The following GPC5 variants were observed in gnomAD, a reference collection of about 807,000 sequenced individuals.
GPC5 encodes glypican-5.
GPC5 carries 47 observed loss-of-function variants against 53.9 expected under a neutral mutation model. That is an observed-to-expected ratio of 0.87 (90% CI 0.69 to 1.11). The LOEUF (loss-of-function observed/expected upper bound fraction) is 1.11. Among genes scored for constraint, GPC5 ranks in the 50% most tolerant of loss-of-function variants. The probability of loss-of-function intolerance (pLI) is 0.00; values close to 1 mark genes in which losing one functional copy is unlikely to be tolerated. For missense variants in GPC5, 748 were observed against 713.1 expected, an observed-to-expected ratio of 1.05 and a Z score of -0.56; for synonymous variants, 286 against 263.3, an observed-to-expected ratio of 1.09 and a Z score of -0.84.
At chr13:92,477,819 A>C (rs556858083) in intron 7 of GPC5, among the ~76,000 whole-genome samples, 17 of 152,248 alleles carry the variant, frequency 1.1e-4, no homozygotes, top group African/African-American at 4.1e-4. Flanking sequence ...TATTGGGGAA[A>C]ATAAAACCAG....
Position 92,513,550 on chromosome 13 carries a change from CCTTT to C in GPC5, c.1562-352730_1562-352727del, listed in dbSNP as rs1880656387. 1.5e-3 allele frequency among the ~76,000 whole-genome samples: 41 copies of C among 26,796 alleles called. No individual in the cohort carries two copies. In the Admixed American group the frequency reaches 0.023, roughly 15 times the overall value. 17.6% of individuals were successfully genotyped at this position (26,796 alleles called of 152,430 possible). A position where few individuals can be genotyped will look rare whatever the true frequency, so the allele number is the denominator to read the frequency against. ...TCTTTCCCTCCCTTTCTCTCCCTTT[CCTTT>C]CCTTTCCTTTCCTTTTTCCTTTTTT... On this transcript the variant is annotated intron_variant, in intron 7 of 7. Transcript: ENST00000377067.
At chr13:92,169,203 G>A (rs1194893613) in intron 7 of GPC5, among the ~76,000 whole-genome samples, 2 of 152,114 alleles carry the variant, frequency 1.3e-5, no homozygotes, top group Admixed American at 6.6e-5. Flanking sequence ...GGAAGGGAGA[G>A]CATTGGGAAA....
At chr13:91,914,276 A>G (rs1695869856) in intron 6 of GPC5, among the ~76,000 whole-genome samples, 1 of 152,206 alleles carries the variant, frequency 6.6e-6, no homozygotes, top group African/African-American at 2.4e-5. Flanking sequence ...AGAAAAAGTA[A>G]TATCACAGCA....
At chr13:92,737,781 T>TC (rs1403666370) in intron 7 of GPC5, among the ~76,000 whole-genome samples, 2 of 146,766 alleles carry the variant, frequency 1.4e-5, no homozygotes, top group East Asian at 2.0e-4. Flanking sequence ...TTTTTTTTTT[T>TC]TTGAGAGGGA....
intron 7 of GPC5, among the ~76,000 whole-genome samples, chr13:92,834,882 A>T (rs190746909): frequency 1.5e-3 from 225 of 152,262 alleles, no homozygotes; most frequent in African/African-American, 5.2e-3. Flanking sequence ...ATTCAGAACA[A>T]AAGACAGGGA....
At chr13:92,481,385 C>A (rs569276057) in intron 7 of GPC5, among the ~76,000 whole-genome samples, 3 of 152,058 alleles carry the variant, frequency 2.0e-5, no homozygotes, top group African/African-American at 2.4e-5. Flanking sequence ...GCAGGCATGA[C>A]CCACCGCGCC....
chr13:91,714,922 C>G (rs1355442188), intron 3 of GPC5, among the ~76,000 whole-genome samples: 1 of 152,196 alleles, frequency 6.6e-6, no homozygotes, highest in Non-Finnish European at 1.5e-5. Flanking sequence ...ACAGCTCAGG[C>G]AGTGTTGCAG....
At chr13:91,504,035 A>G (rs924776087) in intron 2 of GPC5, among the ~76,000 whole-genome samples, 1 of 151,936 alleles carries the variant, frequency 6.6e-6, no homozygotes, top group Non-Finnish European at 1.5e-5. Flanking sequence ...ATGTTATGAA[A>G]TCTATTGATA....
intron 7 of GPC5, among the ~76,000 whole-genome samples, chr13:92,579,303 CTCCCTCCCT>C (rs1883299440): frequency 1.9e-5 from 1 of 53,054 alleles, no homozygotes; most frequent in South Asian, 6.6e-4. Context: ...CTCTCTCTCC[CTCCCTCCCT>C]CCCTCCCTCC....
intron 6 of GPC5, among the ~76,000 whole-genome samples, chr13:92,056,377 T>A (rs769323109): frequency 8.5e-5 from 13 of 152,166 alleles, no homozygotes; most frequent in Non-Finnish European, 1.9e-4. Flanking sequence ...CATCTCAAAA[T>A]CCTTAATTTA....
intron 2 of GPC5, among the ~76,000 whole-genome samples, chr13:91,684,616 T>C (rs1043181960): frequency 6.6e-6 from 1 of 152,144 alleles, no homozygotes; most frequent in African/African-American, 2.4e-5. Flanking sequence ...AATACCACAG[T>C]CCAGCCCAGC....
At chr13:91,484,064 A>G (rs931254992) in intron 2 of GPC5, among the ~76,000 whole-genome samples, 1 of 152,156 alleles carries the variant, frequency 6.6e-6, no homozygotes, top group African/African-American at 2.4e-5. Flanking sequence ...ATTATAGTTG[A>G]GTTATTTTGT....
chr13:91,886,599 C>G (rs544747732), intron 5 of GPC5, among the ~76,000 whole-genome samples: 141 of 152,322 alleles, frequency 9.3e-4, no homozygotes, highest in Non-Finnish European at 1.0e-3. Flanking sequence ...TAGTTTATTT[C>G]TACATACAAT....
At chr13:92,177,544 T>C (rs2042117255) in intron 7 of GPC5, among the ~76,000 whole-genome samples, 1 of 152,198 alleles carries the variant, frequency 6.6e-6, no homozygotes, top group Non-Finnish European at 1.5e-5. Context: ...TATATTCTAA[T>C]AACAGAATAG....
intron 5 of GPC5, among the ~76,000 whole-genome samples, chr13:91,835,970 C>A (rs1314245894): frequency 6.6e-6 from 1 of 151,984 alleles, no homozygotes; most frequent in Non-Finnish European, 1.5e-5. Flanking sequence ...CTTTACAGTT[C>A]TTTAAGCACA....
intron 6 of GPC5, among the ~76,000 whole-genome samples, chr13:92,016,066 C>A (rs930882128): frequency 2.4e-5 from 3 of 123,154 alleles, no homozygotes; most frequent in Non-Finnish European, 5.8e-5. Context: ...TTTACCTCTG[C>A]AGTGGCAATA....
At chr13:91,788,659 T>C (rs1215921481) in intron 5 of GPC5, among the ~76,000 whole-genome samples, 1 of 152,148 alleles carries the variant, frequency 6.6e-6, no homozygotes, top group Non-Finnish European at 1.5e-5. Flanking sequence ...TTGAGGTCTT[T>C]CTAGGTTTTT....
At chr13:92,781,311 C>G (rs893214014) in intron 7 of GPC5, among the ~76,000 whole-genome samples, 1 of 151,950 alleles carries the variant, frequency 6.6e-6, no homozygotes, top group Non-Finnish European at 1.5e-5. Context: ...TACTACTGAA[C>G]AGGTTTACTC....
chr13:92,739,318 A>G (rs922524173), intron 7 of GPC5, among the ~76,000 whole-genome samples: 3 of 152,120 alleles, frequency 2.0e-5, no homozygotes, highest in African/African-American at 7.2e-5. Context: ...ATTCAATTCG[A>G]TAAGGATAAA....
Sources: allele counts gnomAD v4.1 joint callset (sites outside exome capture counted in the v4.1 genomes callset), GRCh38; gene constraint gnomAD v4.1.1; transcripts MANE v1.5; gene names NCBI Gene and HGNC (gene_info 2026-07-23, HGNC 2026-07-21).